NALF1: variants seen among roughly 807,000 people sequenced by gnomAD.
NALF1 encodes the protein family with sequence similarity 155 member A.
NALF1 carries 3 observed loss-of-function variants against 48.4 expected under a neutral mutation model. The ratio of observed to expected loss-of-function variants is 0.06; its 90% CI spans 0.03 to 0.16. NALF1 has a LOEUF of 0.16. NALF1 is among the 10% of genes least tolerant of loss of function. The pLI is 1.00. For missense variants in NALF1, 526 were observed against 571.5 expected, an observed-to-expected ratio of 0.92 and a Z score of 0.81; for synonymous variants, 262 against 245.7, an observed-to-expected ratio of 1.07 and a Z score of -0.62.
chr13:107,581,142 G>A (rs919275236), intron 1 of NALF1, among the ~76,000 whole-genome samples: 4 of 152,130 alleles, frequency 2.6e-5, no homozygotes, highest in Non-Finnish European at 5.9e-5. Flanking sequence ...TTGTTCCTCG[G>A]ACGCATTTTG....
At chr13:107,230,044 G>A (rs925197339) in intron 1 of NALF1, among the ~76,000 whole-genome samples, 3 of 152,174 alleles carry the variant, frequency 2.0e-5, no homozygotes, top group African/African-American at 4.8e-5. Context: ...GTGAAATCAC[G>A]GGTCAGCTAC....
intron 1 of NALF1, among the ~76,000 whole-genome samples, chr13:107,812,379 A>G (rs1594285070): frequency 1.3e-5 from 2 of 152,240 alleles, no homozygotes; most frequent in Admixed American, 6.5e-5. Flanking sequence ...AAACAGTTTG[A>G]TCTTAGACTA....
chr13:107,623,808 T>G (rs1594167198), intron 1 of NALF1, among the ~76,000 whole-genome samples: 1 of 152,270 alleles, frequency 6.6e-6, no homozygotes, highest in East Asian at 1.9e-4. Context: ...AAAGCCTTCA[T>G]GAACTAGATA....
intron 1 of NALF1, among the ~76,000 whole-genome samples, chr13:107,497,181 A>G (rs1875365463): frequency 6.6e-6 from 1 of 152,216 alleles, no homozygotes; most frequent in Non-Finnish European, 1.5e-5. Flanking sequence ...AGGTTTAACA[A>G]GAAGTTAAAA....
intron 1 of NALF1, among the ~76,000 whole-genome samples, chr13:107,497,560 A>G (rs573684243): frequency 6.6e-6 from 1 of 152,282 alleles, no homozygotes; most frequent in South Asian, 2.1e-4. Flanking sequence ...ACTTTCTTCA[A>G]GTACATCTTT....
At chr13:107,254,014 A>G (rs74114016) in intron 1 of NALF1, among the ~76,000 whole-genome samples, 4 of 150,494 alleles carry the variant, frequency 2.7e-5, no homozygotes, top group African/African-American at 9.8e-5. Flanking sequence ...ACCCCCAGTG[A>G]CAAAGTAGTT....
chr13:107,449,818 TAGATGTTATCAACATCATTCC>T (rs1884710645), intron 1 of NALF1, among the ~76,000 whole-genome samples: 1 of 152,160 alleles, frequency 6.6e-6, no homozygotes, highest in South Asian at 2.1e-4. Context: ...TAACCTGAAG[TAGATGTTATCAACATCATTCC>T]AAATTTACAG....
In NALF1 at chr13:107,762,337, C is replaced by T. The variant is rs1190368118; in HGVS notation, c.915+103345G>A. On this transcript the variant is annotated intron_variant, in intron 1 of 2. Transcript: ENST00000375915. Reference sequence around the variant, plus strand: ...GGGTGTAAATCTCCCACTCTAGGAACGCCTTTTAAGTCTGTATCTGAAAGG... The same window carrying T: ...GGGTGTAAATCTCCCACTCTAGGAATGCCTTTTAAGTCTGTATCTGAAAGG... 2.6e-5 allele frequency among the ~76,000 whole-genome samples: 4 copies of T among 151,872 alleles called. No homozygotes were observed. The South Asian group carries it at 6.3e-4, about 24-fold the overall frequency.
At chr13:107,337,446 T>C (rs898063279) in intron 1 of NALF1, among the ~76,000 whole-genome samples, 1 of 151,996 alleles carries the variant, frequency 6.6e-6, no homozygotes, top group Non-Finnish European at 1.5e-5. Context: ...CTTCAGGGAG[T>C]TGAGGTGTAT....
rs115500328 is a variant in NALF1 at position 107,229,275 on chromosome 13, C to T, written c.916-18520G>A. Among the ~76,000 whole-genome samples the T allele has an allele frequency of 3.5e-3, 528 of 152,096 alleles. 1 individual carries two copies. Among genetic ancestry groups the T allele is most frequent in the African/African-American group, 0.011 (476 of 41,500 alleles). On this transcript the variant is annotated intron_variant, in intron 1 of 2. Coordinates refer to ENST00000375915, the MANE Select transcript of NALF1 (RefSeq NM_001080396.3). Reference sequence around the variant, plus strand: ...TCTATTATGAGAAATACATGTTCATCTACAATCAATACCAATCATGATGAT... The same window carrying T: ...TCTATTATGAGAAATACATGTTCATTTACAATCAATACCAATCATGATGAT...
chr13:107,224,425 T>G (rs1363202658), intron 1 of NALF1, among the ~76,000 whole-genome samples: 4 of 148,966 alleles, frequency 2.7e-5, no homozygotes, highest in African/African-American at 7.3e-5. Context: ...ATGTATATAA[T>G]ATAAATATAA....
intron 1 of NALF1, among the ~76,000 whole-genome samples, chr13:107,410,769 T>G (rs1025781900): frequency 1.3e-5 from 2 of 152,152 alleles, no homozygotes; most frequent in Non-Finnish European, 2.9e-5. Context: ...ATTATAAACG[T>G]TGGGGGCCAT....
chr13:107,703,857 C>T (rs1881884269), intron 1 of NALF1, among the ~76,000 whole-genome samples: 1 of 152,106 alleles, frequency 6.6e-6, no homozygotes, highest in Non-Finnish European at 1.5e-5. Flanking sequence ...TGGTTTACTC[C>T]ATAATTTTGG....
chr13:107,295,104 A>C (rs190505313), intron 1 of NALF1, among the ~76,000 whole-genome samples: 1 of 152,194 alleles, frequency 6.6e-6, no homozygotes, highest in East Asian at 1.9e-4. Context: ...CCAGGTCGTG[A>C]GCATAGAACC....
In NALF1 at chr13:107,210,668, A is replaced by G; in HGVS notation, c.1003T>C (p.Leu335=). 1 of 1,612,428 alleles carries G rather than the reference A, an allele frequency of 6.2e-7. No individual in the cohort carries two copies. Among genetic ancestry groups the G allele is most frequent in the Non-Finnish European group, 8.5e-7 (1 of 1,178,430 alleles). The part of the protein sequence containing the change: ...RKTIPCKQYC[L]EVQTRCPFIL... ...AATGGACACCTCGTCTGAACCTCCA[A>G]ACAGTATTGCTTGCAAGGAATTGTC... The change falls in exon 2 of 3, where the codon TTG becomes CTG. Residue 335 remains leucine (L), a synonymous_variant. Transcript: ENST00000375915.
chr13:107,216,947 T>A (rs1485460807), intron 1 of NALF1, among the ~76,000 whole-genome samples: 3 of 152,174 alleles, frequency 2.0e-5, no homozygotes, highest in Non-Finnish European at 4.4e-5. Context: ...CCAGAGATAA[T>A]CTGCACAGGG....
intron 2 of NALF1, among the ~76,000 whole-genome samples, chr13:107,198,963 C>T (rs899364646): frequency 1.3e-5 from 2 of 152,204 alleles, no homozygotes; most frequent in African/African-American, 4.8e-5. Flanking sequence ...AGTACGCTAA[C>T]ATGTAAATGT....
intron 1 of NALF1, among the ~76,000 whole-genome samples, chr13:107,567,272 G>A (rs1373310533): frequency 6.6e-6 from 1 of 152,086 alleles, no homozygotes; most frequent in Non-Finnish European, 1.5e-5. Flanking sequence ...TTACCAAAAT[G>A]TATTAGACAT....
chr13:107,384,236 G>A (rs1444589097), intron 1 of NALF1, among the ~76,000 whole-genome samples: 1 of 152,046 alleles, frequency 6.6e-6, no homozygotes, highest in Admixed American at 6.6e-5. Flanking sequence ...ATGGGCGACT[G>A]AGTGAGATCC....
Sources: gnomAD v4.1 joint callset for allele counts (sites outside exome capture counted in the v4.1 genomes callset) on GRCh38, gnomAD v4.1.1 for gene constraint, MANE v1.5 for transcripts, NCBI Gene and HGNC (gene_info 2026-07-23, HGNC 2026-07-21) for gene names.